Variants in TRHDE observed in about 807,000 individuals in gnomAD.
The protein encoded by TRHDE is thyrotropin-releasing hormone-degrading ectoenzyme.
A neutral mutation model predicts 125.7 loss-of-function variants in TRHDE; 72 were observed. That is an observed-to-expected ratio of 0.57 (90% CI 0.47 to 0.70). The LOEUF is 0.70. Among genes scored for constraint, TRHDE ranks in the 30% least tolerant of loss-of-function variants. The pLI, the probability that TRHDE is intolerant of heterozygous loss-of-function variation, is 0.00. For missense variants in TRHDE, 1,110 were observed against 1,327.1 expected, an observed-to-expected ratio of 0.84 and a Z score of 2.54; for synonymous variants, 509 against 509.1, an observed-to-expected ratio of 1.00 and a Z score of 0.00.
At chr12:72,405,108 G>T (rs1050841373) in intron 3 of TRHDE, among the ~76,000 whole-genome samples, 3 of 152,012 alleles carry the variant, frequency 2.0e-5, no homozygotes, top group African/African-American at 7.2e-5. Flanking sequence ...GGACTTTTAG[G>T]GGTTAATTCC....
intron 2 of TRHDE, among the ~76,000 whole-genome samples, chr12:72,265,204 T>C (rs1012030952): frequency 6.6e-6 from 1 of 151,958 alleles, no homozygotes; most frequent in African/African-American, 2.4e-5. Context: ...TTTGTAATTA[T>C]AGCATACAAA....
Position 72,619,052 on chromosome 12 carries a change from A to G in TRHDE, c.2469+14A>G, listed in dbSNP as rs777287240. ...AACATTTTCAATGTAAAAAGATATAATTTTTCTTTCTAATTTTTAGAAGAT... is the reference window on the plus strand; with the variant it reads ...AACATTTTCAATGTAAAAAGATATAGTTTTTCTTTCTAATTTTTAGAAGAT... On this transcript the variant is annotated intron_variant, in intron 13 of 18. Coordinates refer to ENST00000261180, the MANE Select transcript of TRHDE (RefSeq NM_013381.3). 23 of 1,523,696 alleles carry G rather than the reference A, an allele frequency of 1.5e-5. No individual in the cohort carries two copies. Among genetic ancestry groups the G allele is most frequent in the Non-Finnish European group, 1.9e-5 (22 of 1,136,442 alleles). The allele number at this position is 1,523,696 out of a possible 1,614,324, so 94.4% of individuals were successfully genotyped here. A position where few individuals can be genotyped will look rare whatever the true frequency, so the allele number is the denominator to read the frequency against.
At chr12:72,431,103 A>T (rs1874457470) in intron 3 of TRHDE, among the ~76,000 whole-genome samples, 1 of 152,074 alleles carries the variant, frequency 6.6e-6, no homozygotes, top group Non-Finnish European at 1.5e-5. Flanking sequence ...TGCATATTGA[A>T]CTTATAGCTA....
At chr12:72,541,863 GA>G (rs747825499) in intron 6 of TRHDE, among the ~76,000 whole-genome samples, 3 of 151,224 alleles carry the variant, frequency 2.0e-5, no homozygotes, top group Non-Finnish European at 3.0e-5. Context: ...CTTGGTTAAG[GA>G]GTACATTCAG....
chr12:72,584,875 T>C (rs764457450), intron 12 of TRHDE, among the ~76,000 whole-genome samples: 4 of 152,222 alleles, frequency 2.6e-5, no homozygotes, highest in Non-Finnish European at 4.4e-5. Flanking sequence ...AGTGCAGATA[T>C]CTCTTTGACA....
At chr12:72,379,125 G>A (rs774331132) in intron 3 of TRHDE, among the ~76,000 whole-genome samples, 76 of 152,302 alleles carry the variant, frequency 5.0e-4, no homozygotes, top group Non-Finnish European at 9.3e-4. Context: ...TTGAACCACA[G>A]GGTCTCCTCC....
At chr12:72,621,527 G>A in intron 14 of TRHDE, 117 bp from the exon 15 acceptor site, 1 of 744,772 alleles carries the variant, frequency 1.3e-6, no homozygotes, top group Non-Finnish European at 2.1e-6. Context: ...TTACTCAGCA[G>A]CATAGGATTT....
At chr12:72,575,209 T>A (rs1204493723) in intron 10 of TRHDE, 46 bp from the exon 11 acceptor site, 1 of 1,591,766 alleles carries the variant, frequency 6.3e-7, no homozygotes, top group Non-Finnish European at 8.6e-7. Flanking sequence ...TTCATTTCAT[T>A]TTAACTCTTA....
At chr12:72,468,000 C>T (rs1876466037) in intron 3 of TRHDE, among the ~76,000 whole-genome samples, 1 of 152,212 alleles carries the variant, frequency 6.6e-6, no homozygotes, top group Non-Finnish European at 1.5e-5. Flanking sequence ...ATACCACTAA[C>T]AGTGAAATAT....
At chr12:72,261,494 T>C (rs567754885) in intron 2 of TRHDE, among the ~76,000 whole-genome samples, 2 of 152,350 alleles carry the variant, frequency 1.3e-5, no homozygotes, top group African/African-American at 4.8e-5. Flanking sequence ...TAAGCAATGC[T>C]ATCTGTGATA....
chr12:72,283,567 T>G (rs1879772512), intron 1 of TRHDE, among the ~76,000 whole-genome samples: 1 of 152,144 alleles, frequency 6.6e-6, no homozygotes, highest in African/African-American at 2.4e-5. Flanking sequence ...AGTCACTAGG[T>G]GATCTTTATA....
rs940776744 is a variant in TRHDE at position 72,658,162 on chromosome 12, A to C, written c.3066+1154A>C. Among the ~76,000 whole-genome samples the C allele has an allele frequency of 8.5e-5, 13 of 152,306 alleles. 1 individual carries two copies. The highest frequency in any genetic ancestry group is 6.8e-3 in the Middle Eastern group (2 of 294). ...GTGTGTTCCCAACCCTGAAGGATTA[A>C]ATTTGAAAGCCCCAGAACATATTTT... On this transcript the variant is annotated intron_variant, in intron 18 of 18. Coordinates refer to ENST00000261180, the MANE Select transcript of TRHDE (RefSeq NM_013381.3).
intron 2 of TRHDE, among the ~76,000 whole-genome samples, chr12:72,114,902 T>G (rs756240735): frequency 3.5e-4 from 54 of 152,130 alleles, no homozygotes; most frequent in Non-Finnish European, 3.1e-4. Flanking sequence ...TCCTGCAAGG[T>G]TTGGGTTAAC....
chr12:72,229,184 G>A (rs1179030258), intron 2 of TRHDE, among the ~76,000 whole-genome samples: 1 of 152,112 alleles, frequency 6.6e-6, no homozygotes, highest in African/African-American at 2.4e-5. Flanking sequence ...ACACACCCAA[G>A]ACTGGTAATT....
intron 2 of TRHDE, among the ~76,000 whole-genome samples, chr12:72,321,572 T>A (rs1160085731): frequency 6.6e-6 from 1 of 152,154 alleles, no homozygotes; most frequent in African/African-American, 2.4e-5. Flanking sequence ...ATTTGTGAGT[T>A]GTTTTCAGAA....
At chr12:72,491,116 ATATT>A (rs1877660432) in intron 5 of TRHDE, among the ~76,000 whole-genome samples, 1 of 151,904 alleles carries the variant, frequency 6.6e-6, no homozygotes, top group African/African-American at 2.4e-5. Flanking sequence ...TTACACAATA[ATATT>A]TATTAAAAAG....
intron 3 of TRHDE, among the ~76,000 whole-genome samples, chr12:72,407,495 CCT>C (rs930684833): frequency 3.9e-5 from 6 of 152,074 alleles, no homozygotes; most frequent in Non-Finnish European, 8.8e-5. Flanking sequence ...CAGTAGTCAC[CCT>C]CAGAGGAAAG....
At chr12:72,278,681 C>T (rs1266830217) in intron 1 of TRHDE, among the ~76,000 whole-genome samples, 1 of 152,024 alleles carries the variant, frequency 6.6e-6, no homozygotes, top group Non-Finnish European at 1.5e-5. Flanking sequence ...GTTGCATTTC[C>T]CTGATGATAA....
rs774908198 is a variant in TRHDE, at chr12:72,142,301, C to A, written n.279+36549C>A. On this transcript the variant is annotated intron_variant and non_coding_transcript_variant, in intron 2 of 4. Transcript: ENST00000548156. Reference sequence around the variant, plus strand: ...TCACTTGGATCTCTTCCATGGGTTCCTTTTTTTCTTTCCTATTCTAAAGTC... The same window carrying A: ...TCACTTGGATCTCTTCCATGGGTTCATTTTTTTCTTTCCTATTCTAAAGTC... Among the ~76,000 whole-genome samples, 8 of 152,180 alleles carry A rather than the reference C, an allele frequency of 5.3e-5. No homozygotes were observed. In the South Asian group the frequency reaches 1.7e-3, roughly 32 times the overall value.
Sources: gnomAD v4.1 joint callset for allele counts (sites outside exome capture counted in the v4.1 genomes callset) on GRCh38, gnomAD v4.1.1 for gene constraint, MANE v1.5 for transcripts, NCBI Gene and HGNC (gene_info 2026-07-23, HGNC 2026-07-21) for gene names.